Variants in STAU1 observed in about 807,000 individuals in gnomAD.
The protein encoded by STAU1 is double-stranded RNA-binding protein Staufen homolog 1.
In STAU1, 13 loss-of-function variants were observed where a neutral mutation model predicts 62.9. The ratio of observed to expected loss-of-function variants is 0.21; its 90% CI spans 0.13 to 0.33. The LOEUF (loss-of-function observed/expected upper bound fraction) is 0.33, where lower values mean the gene tolerates loss of function less well. STAU1 is among the 10% of genes least tolerant of loss of function. STAU1 has a pLI of 1.00. For synonymous variants in STAU1, 269 were observed against 265.1 expected, an observed-to-expected ratio of 1.01 and a Z score of -0.14; for missense variants, 571 against 712.1, an observed-to-expected ratio of 0.80 and a Z score of 2.25.
intron 5 of STAU1, among the ~76,000 whole-genome samples, chr20:49,146,442 C>A (rs1398189051): frequency 6.6e-6 from 1 of 152,042 alleles, no homozygotes; most frequent in Admixed American, 6.6e-5. Flanking sequence ...TGGCTCATGC[C>A]TGTAATCCCA....
intron 5 of STAU1, among the ~76,000 whole-genome samples, chr20:49,137,537 G>A (rs2092914225): frequency 6.6e-6 from 1 of 152,264 alleles, no homozygotes; most frequent in Non-Finnish European, 1.5e-5. Flanking sequence ...ATAAAGTCCT[G>A]CTTCTGAGAT....
In STAU1 at chr20:49,123,281, T is replaced by G. The variant is rs1366546112; in HGVS notation, c.823-46A>C. ...AAACTCTGTAATGTTATTCACCGCATGAACTTGGTCAACTCAGAGATCAGG... is the reference window on the plus strand; with the variant it reads ...AAACTCTGTAATGTTATTCACCGCAGGAACTTGGTCAACTCAGAGATCAGG... On this transcript the variant is annotated intron_variant, in intron 7 of 13. Coordinates refer to ENST00000371856, the MANE Select transcript of STAU1 (RefSeq NM_017453.4). The G allele has an allele frequency of 1.9e-6, 3 of 1,613,744 alleles. No individual in the cohort carries two copies. In the South Asian group the frequency reaches 3.3e-5, roughly 18 times the overall value.
chr20:49,136,131 A>AAAACAG (rs780831699), intron 5 of STAU1, among the ~76,000 whole-genome samples, 200 bp from the exon 6 acceptor site: 7 of 152,048 alleles, frequency 4.6e-5, no homozygotes, highest in Non-Finnish European at 7.4e-5. Flanking sequence ...AACAAAAACA[A>AAAACAG]AAACAAAAAA....
chr20:49,209,561 C>T, the STAU1 span, among the ~76,000 whole-genome samples: 10 of 151,746 alleles, frequency 6.6e-5, no homozygotes, highest in East Asian at 1.9e-4. Flanking sequence ...CTGACCAACA[C>T]GGTGAAACCC....
intron 6 of STAU1, among the ~76,000 whole-genome samples, chr20:49,126,875 G>GAA (rs57532090): frequency 0.012 from 1,831 of 150,276 alleles, 28 homozygotes; most frequent in African/African-American, 0.041. Context: ...GTGGGGGGAA[G>GAA]AAAAAAAAAT....
intron 3 of STAU1, among the ~76,000 whole-genome samples, chr20:49,159,777 G>C (rs1202415204): frequency 6.6e-6 from 1 of 152,092 alleles, no homozygotes; most frequent in African/African-American, 2.4e-5. Context: ...GGCCAGTCTG[G>C]TCTCAAACTC....
At chr20:49,216,035 AGAAGAAGAAG>A in the STAU1 span, among the ~76,000 whole-genome samples, 8 of 125,380 alleles carry the variant, frequency 6.4e-5, no homozygotes, top group South Asian at 2.5e-4. Context: ...AAAAAAAAAA[AGAAGAAGAAG>A]AAGAAAAAAA....
chr20:49,128,773 C>CAAAAAAAAAAAAAA (rs34891670), intron 6 of STAU1, among the ~76,000 whole-genome samples: 1 of 102,678 alleles, frequency 9.7e-6, no homozygotes, highest in Non-Finnish European at 2.0e-5. Flanking sequence ...CATCCAAATC[C>CAAAAAAAAAAAAAA]AAAAAAAAAA....
the STAU1 span, among the ~76,000 whole-genome samples, chr20:49,216,033 A>AAAAAAAAAAAAAAG: frequency 9.6e-6 from 1 of 104,530 alleles, no homozygotes; most frequent in Non-Finnish European, 1.8e-5. Context: ...AAAAAAAAAA[A>AAAAAAAAAAAAAAG]AAGAAGAAGA....
the STAU1 span, among the ~76,000 whole-genome samples, chr20:49,201,775 A>G: frequency 1.3e-5 from 2 of 151,268 alleles, no homozygotes; most frequent in Non-Finnish European, 2.9e-5. Flanking sequence ...GGAGGGGGGA[A>G]TATTAAAATA....
intron 6 of STAU1, among the ~76,000 whole-genome samples, chr20:49,125,206 A>AAAAAAAAC (rs2092574107): frequency 7.1e-6 from 1 of 141,354 alleles, no homozygotes; most frequent in Non-Finnish European, 1.5e-5. Flanking sequence ...TGCAAAAAAA[A>AAAAAAAAC]AAAAAAAAAA....
the STAU1 span, among the ~76,000 whole-genome samples, chr20:49,202,768 G>A: frequency 0.32 from 48,159 of 151,710 alleles, 9,034 homozygotes; most frequent in Middle Eastern, 0.49. Context: ...GCCAGGCTCC[G>A]TGGCTCAACG....
chr20:49,116,485 C>T (rs1203984033), intron 12 of STAU1, among the ~76,000 whole-genome samples: 3 of 152,082 alleles, frequency 2.0e-5, no homozygotes, highest in African/African-American at 2.4e-5. Flanking sequence ...CAGGCACCCA[C>T]CACCACACCT....
At chr20:49,133,424 GC>G (rs2092797330) in intron 6 of STAU1, among the ~76,000 whole-genome samples, 1 of 152,070 alleles carries the variant, frequency 6.6e-6, no homozygotes, top group Non-Finnish European at 1.5e-5. Flanking sequence ...CCCACAACCT[GC>G]AAAAATCCAC....
At chr20:49,125,170 C>A (rs1217354775) in intron 6 of STAU1, among the ~76,000 whole-genome samples, 5 of 59,870 alleles carry the variant, frequency 8.4e-5, no homozygotes, top group African/African-American at 2.0e-4. Context: ...CATATATAAA[C>A]AGACACACAT....
At chr20:49,140,730 G>A (rs1163078301) in intron 5 of STAU1, among the ~76,000 whole-genome samples, 1 of 152,110 alleles carries the variant, frequency 6.6e-6, no homozygotes, top group East Asian at 1.9e-4. Flanking sequence ...TGACAGTTGT[G>A]CAAAACCAAG....
intron 1 of STAU1, among the ~76,000 whole-genome samples, chr20:49,174,616 A>G (rs2093636277): frequency 6.6e-6 from 1 of 151,626 alleles, no homozygotes; most frequent in South Asian, 2.1e-4. Context: ...AGCACTTTGG[A>G]AGGCCGAGGT....
At chr20:49,207,811 C>T in the STAU1 span, among the ~76,000 whole-genome samples, 11 of 152,198 alleles carry the variant, frequency 7.2e-5, no homozygotes, top group African/African-American at 1.9e-4. Context: ...TGAGCCACCA[C>T]GCCCGGCTCC....
the STAU1 span, among the ~76,000 whole-genome samples, chr20:49,194,429 C>CAAAAAAAAAAAAAAAA: frequency 8.6e-5 from 7 of 81,134 alleles, no homozygotes; most frequent in East Asian, 7.7e-4. Context: ...AACTCCGTCT[C>CAAAAAAAAAAAAAAAA]AAAAAAAAAA....
Sources: allele counts gnomAD v4.1 joint callset (sites outside exome capture counted in the v4.1 genomes callset), GRCh38; gene constraint gnomAD v4.1.1; transcripts MANE v1.5; gene names NCBI Gene and HGNC (gene_info 2026-07-23, HGNC 2026-07-21).